The following VEPH1 variants were observed in gnomAD, a reference collection of about 807,000 sequenced individuals.
VEPH1 encodes the protein ventricular zone expressed PH domain containing 1, also known as ventricular zone-expressed PH domain-containing protein homolog 1.
In VEPH1, 80 loss-of-function variants were observed where a neutral mutation model predicts 85.2. The observed-to-expected ratio is 0.94, with a 90% CI of 0.78 to 1.13. The LOEUF (loss-of-function observed/expected upper bound fraction) is 1.13, where lower values mean the gene tolerates loss of function less well. Among genes scored for constraint, VEPH1 ranks in the 50% most tolerant of loss-of-function variants. The pLI, the probability that VEPH1 is intolerant of heterozygous loss-of-function variation, is 0.00. For synonymous variants in VEPH1, 297 were observed against 348.0 expected, an observed-to-expected ratio of 0.85 and a Z score of 1.63; for missense variants, 955 against 980.5, an observed-to-expected ratio of 0.97 and a Z score of 0.35.
intron 7 of VEPH1, among the ~76,000 whole-genome samples, chr3:157,365,514 C>T (rs1218035791): frequency 3.3e-5 from 5 of 152,094 alleles, no homozygotes; most frequent in African/African-American, 9.7e-5. Flanking sequence ...AATCCTAACA[C>T]TAACGACCTG....
chr3:157,442,240 A>G lies in VEPH1; in HGVS notation c.530-13752T>C, dbSNP rs1045105773. ...TACAGTGGAAGCTTCTTAAGTCGTA[A>G]TGTAGGGTTTCACATAGCTTTCAAT... is the stretch of plus-strand genomic sequence containing the variant. On this transcript the variant is annotated intron_variant, in intron 4 of 13. Coordinates refer to ENST00000362010, the MANE Select transcript of VEPH1 (RefSeq NM_001167912.2). 3.4e-6 allele frequency: 3 copies of G among 887,810 alleles called. No homozygotes were observed. The Admixed American group carries it at 8.9e-5, about 26-fold the overall frequency. 55.0% of individuals were successfully genotyped at this position (887,810 alleles called of 1,614,324 possible).
At chr3:157,387,346 G>T (rs1292950162) in intron 6 of VEPH1, among the ~76,000 whole-genome samples, 1 of 152,160 alleles carries the variant, frequency 6.6e-6, no homozygotes, top group African/African-American at 2.4e-5. Flanking sequence ...AGCATCCACT[G>T]TATGTCTGGT....
At chr3:157,369,202 A>AAAAC (rs1560001426) in intron 7 of VEPH1, among the ~76,000 whole-genome samples, 1 of 148,942 alleles carries the variant, frequency 6.7e-6, no homozygotes, top group Non-Finnish European at 1.5e-5. Context: ...AAAAAAAAAA[A>AAAAC]AACCTCCTGA....
intron 10 of VEPH1, among the ~76,000 whole-genome samples, chr3:157,315,607 A>G (rs1042329719): frequency 8.5e-5 from 13 of 152,084 alleles, no homozygotes; most frequent in Non-Finnish European, 2.9e-5. Flanking sequence ...CCCGAAAGCC[A>G]GAATTCAGGC....
intron 4 of VEPH1, chr3:157,443,630 C>T (rs534579269): frequency 1.3e-5 from 2 of 152,476 alleles, no homozygotes; most frequent in South Asian, 2.1e-4. Context: ...TGTTTTGGAG[C>T]AAACTCGTAC....
chr3:157,453,645 A>G (rs961246447), intron 4 of VEPH1, among the ~76,000 whole-genome samples: 9 of 152,232 alleles, frequency 5.9e-5, no homozygotes, highest in Non-Finnish European at 1.2e-4. Context: ...GAGAAAAACT[A>G]TAAGTAATGA....
At chr3:157,353,266 T>C (rs1260422519) in intron 9 of VEPH1, among the ~76,000 whole-genome samples, 1 of 151,604 alleles carries the variant, frequency 6.6e-6, no homozygotes, top group Non-Finnish European at 1.5e-5. Context: ...ACCCCCAATC[T>C]GATTATTTTT....
At chr3:157,453,292 G>A (rs756252534) in intron 4 of VEPH1, among the ~76,000 whole-genome samples, 1 of 152,146 alleles carries the variant, frequency 6.6e-6, no homozygotes, top group Non-Finnish European at 1.5e-5. Context: ...AGGAGGAGTT[G>A]TTGTTGCTCC....
intron 9 of VEPH1, 130 bp downstream of exon 9, chr3:157,363,234 G>T: frequency 2.3e-6 from 2 of 856,808 alleles, no homozygotes; most frequent in Non-Finnish European, 3.5e-6. Flanking sequence ...ATAATGTAAG[G>T]TATTTAAAAA....
chr3:157,358,713 A>G lies in VEPH1; in HGVS notation c.1735+4651T>C, dbSNP rs138454588. 2.4e-4 allele frequency among the ~76,000 whole-genome samples: 36 copies of G among 152,262 alleles called. No individual in the cohort carries two copies. In the East Asian group the frequency reaches 7.0e-3, roughly 29 times the overall value. Reference sequence around the variant, plus strand: ...AAAACAATGCCCACTAATTGATATTAATAATTAATCTCATTTTAAGAAAAA... The same window carrying G: ...AAAACAATGCCCACTAATTGATATTGATAATTAATCTCATTTTAAGAAAAA... On this transcript the variant is annotated intron_variant, in intron 9 of 13. Coordinates refer to ENST00000362010, the MANE Select transcript of VEPH1 (RefSeq NM_001167912.2).
At position 157,481,561 on chromosome 3, in the gene VEPH1, A is replaced by G. The variant is rs573730821; in HGVS notation, c.139-11032T>C. Among the ~76,000 whole-genome samples the G allele has an allele frequency of 8.6e-5, 13 of 151,994 alleles. No individual in the cohort carries two copies. The East Asian group carries it at 2.5e-3, about 29-fold the overall frequency. On this transcript the variant is annotated intron_variant, in intron 2 of 13. Coordinates refer to ENST00000362010, the MANE Select transcript of VEPH1 (RefSeq NM_001167912.2). ...CAAACTATGTTACAAGTCTATAGTA[A>G]CTAAAACAGCATGGTACTTCTACAG...
chr3:157,409,821 G>A lies in VEPH1; in HGVS notation c.906+4060C>T, dbSNP rs147342057. The A allele has an allele frequency of 3.3e-4, 327 of 985,304 alleles. 1 individual carries two copies. The African/African-American group carries it at 3.9e-3, about 12-fold the overall frequency. 61.0% of individuals were successfully genotyped at this position (985,304 alleles called of 1,614,324 possible). A position where few individuals can be genotyped will look rare whatever the true frequency, so the allele number is the denominator to read the frequency against. Reference sequence around the variant, plus strand: ...TCAATAACTTGTGTGATTCCAGGCCGTCTCTACCCCCATGGCCAAATTCTG... The same window carrying A: ...TCAATAACTTGTGTGATTCCAGGCCATCTCTACCCCCATGGCCAAATTCTG... On this transcript the variant is annotated intron_variant, in intron 6 of 13. Transcript: ENST00000362010.
intron 4 of VEPH1, among the ~76,000 whole-genome samples, chr3:157,433,374 A>C (rs565639659): frequency 1.3e-5 from 2 of 152,072 alleles, no homozygotes; most frequent in Non-Finnish European, 2.9e-5. Context: ...TTTGGTATTT[A>C]TGTTTTTTTC....
At chr3:157,427,344 T>C (rs1204834361) in intron 5 of VEPH1, among the ~76,000 whole-genome samples, 1 of 152,014 alleles carries the variant, frequency 6.6e-6, no homozygotes, top group Non-Finnish European at 1.5e-5. Context: ...GGTCTTGAAC[T>C]CCTGACCTTG....
intron 2 of VEPH1, among the ~76,000 whole-genome samples, chr3:157,475,230 G>A (rs1221940915): frequency 6.7e-6 from 1 of 149,288 alleles, no homozygotes; most frequent in Non-Finnish European, 1.5e-5. Context: ...AGGCTCAAGT[G>A]ATCCTCCCCA....
rs765857166 is a variant in VEPH1, at chr3:157,460,315, A to T, written c.395T>A (p.Ile132Asn). The T allele has an allele frequency of 8.7e-6, 14 of 1,614,018 alleles. No homozygotes were observed. Among genetic ancestry groups the T allele is most frequent in the Non-Finnish European group, 1.2e-5 (14 of 1,180,004 alleles). Reference sequence around the variant, plus strand: ...GCCTCTGTGGAGGAATTTCACTGCAATGGGGATGGCTAATGCCATCACTGG... The same window carrying T: ...GCCTCTGTGGAGGAATTTCACTGCATTGGGGATGGCTAATGCCATCACTGG... ...RPPVMALAIP[I>N]AVKFLHRGNK... The change falls in exon 4 of 14, where the codon ATT becomes AAT. Residue 132 changes from isoleucine to asparagine, a missense_variant. Coordinates refer to ENST00000362010, the MANE Select transcript of VEPH1 (RefSeq NM_001167912.2).
chr3:157,412,979 TA>T (rs1401479539), intron 6 of VEPH1, among the ~76,000 whole-genome samples: 1 of 152,158 alleles, frequency 6.6e-6, no homozygotes, highest in Non-Finnish European at 1.5e-5. Flanking sequence ...GTAAGTCACA[TA>T]ATGTTTCTGT....
At chr3:157,428,974 C>T (rs750667277) in intron 4 of VEPH1, among the ~76,000 whole-genome samples, 40 of 152,250 alleles carry the variant, frequency 2.6e-4, no homozygotes, top group Admixed American at 5.9e-4. Flanking sequence ...AGAAACTATG[C>T]CTTATTTTAT....
chr3:157,260,894 CTTTTATTTTA>C lies in VEPH1; in HGVS notation c.*230_*239del. The C allele has an allele frequency of 1.9e-6, 1 of 524,318 alleles. No homozygotes were observed. Among genetic ancestry groups the C allele is most frequent in the South Asian group, 2.4e-5 (1 of 41,534 alleles). 32.5% of individuals were successfully genotyped at this position (524,318 alleles called of 1,614,324 possible). On this transcript the variant is annotated 3_prime_UTR_variant, in exon 14 of 14. Transcript: ENST00000362010. Reference sequence around the variant, plus strand: ...TATCTGAGGGCATACTCTGTAGCTCCTTTTATTTTATTTTATTTTTGTGGGCATCAGATAT... The same window carrying C: ...TATCTGAGGGCATACTCTGTAGCTCCTTTTATTTTTGTGGGCATCAGATAT...
Sources: gnomAD v4.1 joint callset for allele counts (sites outside exome capture counted in the v4.1 genomes callset) on GRCh38, gnomAD v4.1.1 for gene constraint, MANE v1.5 for transcripts, NCBI Gene and HGNC (gene_info 2026-07-23, HGNC 2026-07-21) for gene names.